Variants in LDLRAD4 observed in about 807,000 individuals in gnomAD.
LDLRAD4 encodes low density lipoprotein receptor class A domain containing 4.
In LDLRAD4, 5 loss-of-function variants were observed where a neutral mutation model predicts 17.0. That is an observed-to-expected ratio of 0.29 (90% CI 0.15 to 0.62). LDLRAD4 has a LOEUF of 0.62. Ranked by LOEUF, LDLRAD4 falls within the 20% of genes least tolerant of loss-of-function variation. The pLI, the probability that LDLRAD4 is intolerant of heterozygous loss-of-function variation, is 0.84. For synonymous variants in LDLRAD4, 168 were observed against 171.8 expected (o/e 0.98, Z 0.17); for missense variants, 340 against 424.7 (o/e 0.80, Z 1.75).
Position 13,480,249 on chromosome 18 carries a change from T to C in LDLRAD4, c.181+41865T>C, listed in dbSNP as rs139809870. On this transcript the variant is annotated intron_variant, in intron 3 of 5. Coordinates refer to ENST00000359446, the Ensembl canonical transcript of LDLRAD4. ...TCAGCACTAAAAAGAAATGTGCTTTTTCTTTTCAAGCTATGAAAAGACATG... is the reference window on the plus strand; with the variant it reads ...TCAGCACTAAAAAGAAATGTGCTTTCTCTTTTCAAGCTATGAAAAGACATG... Among the ~76,000 whole-genome samples the C allele has an allele frequency of 6.2e-3, 941 of 152,366 alleles. 8 individuals are homozygous for C. Among genetic ancestry groups the C allele is most frequent in the African/African-American group, 0.021 (867 of 41,590 alleles).
At chr18:13,247,542 A>C (rs530687240) in intron 1 of LDLRAD4, among the ~76,000 whole-genome samples, 1 of 152,112 alleles carries the variant, frequency 6.6e-6, no homozygotes, top group Non-Finnish European at 1.5e-5. Flanking sequence ...TACGGTAAAA[A>C]TTTCAAACTC....
At chr18:13,243,682 A>G (rs1051630498) in intron 1 of LDLRAD4, among the ~76,000 whole-genome samples, 11 of 142,592 alleles carry the variant, frequency 7.7e-5, no homozygotes, top group East Asian at 4.2e-4. Context: ...CCATCCATCT[A>G]TCATCTCCCC....
chr18:13,345,718 T>C lies in LDLRAD4; in HGVS notation c.-382-41623T>C, dbSNP rs191129664. Reference sequence around the variant, plus strand: ...CTGTGAATCCATCTGGTCCTGGACTTTTTTTGGTTGGTAAGCTATTATTGC... The same window carrying C: ...CTGTGAATCCATCTGGTCCTGGACTCTTTTTGGTTGGTAAGCTATTATTGC... On this transcript the variant is annotated intron_variant, in intron 1 of 5. Coordinates refer to ENST00000359446, the Ensembl canonical transcript of LDLRAD4. 8.4e-3 allele frequency among the ~76,000 whole-genome samples: 1,276 copies of C among 152,268 alleles called. 12 individuals are homozygous for C. Among genetic ancestry groups the C allele is most frequent in the Non-Finnish European group, 0.014 (959 of 68,016 alleles).
intron 1 of LDLRAD4, among the ~76,000 whole-genome samples, chr18:13,301,351 C>G (rs1215987830): frequency 6.6e-6 from 1 of 152,068 alleles, no homozygotes; most frequent in Non-Finnish European, 1.5e-5. Flanking sequence ...TCCCGCTGGA[C>G]CATTCTCGAA....
chr18:13,322,414 C>T (rs778427273), intron 1 of LDLRAD4, among the ~76,000 whole-genome samples: 2 of 149,478 alleles, frequency 1.3e-5, no homozygotes, highest in Admixed American at 6.7e-5. Flanking sequence ...ATTCTCCCAA[C>T]TCAGCCTCCC....
rs113196977 is a variant in LDLRAD4, at chr18:13,538,927, G to A, written c.182-82190G>A. Among the ~76,000 whole-genome samples the A allele has an allele frequency of 2.7e-3, 417 of 152,324 alleles. 4 individuals are homozygous for A. Among genetic ancestry groups the A allele is most frequent in the South Asian group, 7.2e-3 (35 of 4,828 alleles). On this transcript the variant is annotated intron_variant, in intron 3 of 5. Coordinates refer to ENST00000359446, the Ensembl canonical transcript of LDLRAD4. ...TGCTTAATGATGTCTTTGAAGAAATGATGAGTAATCTTTCTCTTATTTGTC... is the reference window on the plus strand; with the variant it reads ...TGCTTAATGATGTCTTTGAAGAAATAATGAGTAATCTTTCTCTTATTTGTC...
At chr18:13,383,219 C>T (rs1419398802) in intron 1 of LDLRAD4, among the ~76,000 whole-genome samples, 1 of 152,234 alleles carries the variant, frequency 6.6e-6, no homozygotes, top group Non-Finnish European at 1.5e-5. Context: ...TAAGTGTCTT[C>T]CTTCACTCAT....
chr18:13,253,437 C>T (rs1322095798), intron 1 of LDLRAD4, among the ~76,000 whole-genome samples: 4 of 152,208 alleles, frequency 2.6e-5, no homozygotes, highest in Non-Finnish European at 5.9e-5. Context: ...CCCTTTTCCA[C>T]ACCTCCGCTT....
intron 2 of LDLRAD4, among the ~76,000 whole-genome samples, chr18:13,417,656 G>C (rs12966088): frequency 0.19 from 28,431 of 151,970 alleles, 3,218 homozygotes; most frequent in East Asian, 0.33. Flanking sequence ...GGATGGTCTC[G>C]ATCTCCTGAC....
At chr18:13,247,960 C>CTT (rs34516593) in intron 1 of LDLRAD4, among the ~76,000 whole-genome samples, 83,349 of 131,840 alleles carry the variant, frequency 0.63, 31,520 homozygotes, top group Non-Finnish European at 0.82. Flanking sequence ...CGCCCCCCGC[C>CTT]TTTTTTTTTT....
chr18:13,627,280 A>G (rs2041259131), intron 4 of LDLRAD4, among the ~76,000 whole-genome samples: 1 of 152,194 alleles, frequency 6.6e-6, no homozygotes. Context: ...AAAATAAAAA[A>G]TAAAAATTGT....
At chr18:13,233,511 C>T (rs1224078884) in intron 1 of LDLRAD4, among the ~76,000 whole-genome samples, 2 of 152,156 alleles carry the variant, frequency 1.3e-5, no homozygotes, top group African/African-American at 4.8e-5. Flanking sequence ...ACCTGTTTGT[C>T]ACTGTCTCTG....
chr18:13,346,480 G>T (rs139347822), intron 1 of LDLRAD4, among the ~76,000 whole-genome samples: 30,111 of 152,088 alleles, frequency 0.2, 3,638 homozygotes, highest in South Asian at 0.27. Context: ...ATTTGCTGAG[G>T]AGTGCTTTAT....
chr18:13,402,925 C>T (rs2087360536), intron 2 of LDLRAD4, among the ~76,000 whole-genome samples: 1 of 152,246 alleles, frequency 6.6e-6, no homozygotes, highest in Non-Finnish European at 1.5e-5. Context: ...ACAATCAAAA[C>T]TTAGAAACAA....
chr18:13,597,583 G>GT (rs2095110941), intron 3 of LDLRAD4, among the ~76,000 whole-genome samples: 1 of 151,334 alleles, frequency 6.6e-6, no homozygotes, highest in South Asian at 2.1e-4. Flanking sequence ...GATGTCTTGT[G>GT]TTTTTTATCT....
chr18:13,554,135 T>G (rs1026983847), intron 3 of LDLRAD4, among the ~76,000 whole-genome samples: 1 of 152,214 alleles, frequency 6.6e-6, no homozygotes, highest in Non-Finnish European at 1.5e-5. Context: ...CAGTAGGCAC[T>G]CTGCAAATAG....
intron 3 of LDLRAD4, among the ~76,000 whole-genome samples, chr18:13,513,290 C>T (rs976181564): frequency 5.3e-5 from 8 of 152,190 alleles, no homozygotes; most frequent in Non-Finnish European, 7.3e-5. Context: ...AGCCTAGTAA[C>T]GGTTTCTGTA....
In LDLRAD4 at chr18:13,388,427, C is replaced by T. The variant is rs79601113; in HGVS notation, c.40+665C>T. 0.021 allele frequency among the ~76,000 whole-genome samples: 3,233 copies of T among 152,286 alleles called. 165 individuals are homozygous for T. The East Asian group carries it at 0.23, about 11-fold the overall frequency. On this transcript the variant is annotated intron_variant, in intron 2 of 5. Transcript: ENST00000359446. ...TTAATCCTCTGGGCCTCTGGCTCCTCGTAGACAGACTGGGCTCCGTGACAT... is the reference window on the plus strand; with the variant it reads ...TTAATCCTCTGGGCCTCTGGCTCCTTGTAGACAGACTGGGCTCCGTGACAT...
chr18:13,360,099 G>T (rs1226586968), intron 1 of LDLRAD4, among the ~76,000 whole-genome samples: 2 of 152,246 alleles, frequency 1.3e-5, no homozygotes, highest in African/African-American at 4.8e-5. Context: ...AAACCTTGGA[G>T]AACAGTGAGT....
Sources: gnomAD v4.1 joint callset for allele counts (sites outside exome capture counted in the v4.1 genomes callset) on GRCh38, gnomAD v4.1.1 for gene constraint, MANE v1.5 for transcripts, NCBI Gene and HGNC (gene_info 2026-07-23, HGNC 2026-07-21) for gene names.